The following CDH23 variants were observed in gnomAD, a reference collection of about 807,000 sequenced individuals.
CDH23 encodes the protein cadherin-23.
A neutral mutation model predicts 317.1 loss-of-function variants in CDH23; 189 were observed. The ratio of observed to expected loss-of-function variants is 0.60; its 90% CI spans 0.53 to 0.67. The LOEUF is 0.67. CDH23 is among the 30% of genes least tolerant of loss of function. The pLI is 0.00. For missense variants in CDH23, 4,401 were observed against 4,592.4 expected (o/e 0.96, Z 1.20); for synonymous variants, 1,839 against 1,876.8 (o/e 0.98, Z 0.52).
chr10:71,496,721 T>C (rs1230580146), intron 3 of CDH23, among the ~76,000 whole-genome samples: 2 of 152,246 alleles, frequency 1.3e-5, no homozygotes, highest in African/African-American at 4.8e-5. Context: ...ATCAAGACCC[T>C]GGATATCAAC....
chr10:71,564,343 G>A (rs1410452513), intron 6 of CDH23, among the ~76,000 whole-genome samples: 1 of 152,206 alleles, frequency 6.6e-6, no homozygotes, highest in African/African-American at 2.4e-5. Context: ...CTGAAATGCA[G>A]GAAGTCAGCA....
intron 55 of CDH23, among the ~76,000 whole-genome samples, chr10:71,804,590 CGTT>C (rs1841654924): frequency 6.6e-6 from 1 of 152,184 alleles, no homozygotes; most frequent in Non-Finnish European, 1.5e-5. Context: ...CTCAAAGAAG[CGTT>C]GTGCCTTTAC....
At chr10:71,574,763 C>A (rs938043029) in intron 8 of CDH23, among the ~76,000 whole-genome samples, 6 of 152,154 alleles carry the variant, frequency 3.9e-5, no homozygotes, top group Non-Finnish European at 8.8e-5. Context: ...AGTCCAGCTT[C>A]TCTCAACTGT....
chr10:71,583,374 C>G (rs1258080156), intron 9 of CDH23, among the ~76,000 whole-genome samples: 1 of 151,800 alleles, frequency 6.6e-6, no homozygotes, highest in Non-Finnish European at 1.5e-5. Context: ...CCTGGGGGGT[C>G]TTGGGAGTGG....
chr10:71,452,074 C>T (rs1256809241), intron 3 of CDH23, among the ~76,000 whole-genome samples: 1 of 152,180 alleles, frequency 6.6e-6, no homozygotes, highest in Non-Finnish European at 1.5e-5. Context: ...CGGCAAGGCC[C>T]GCGCTGTGCC....
At chr10:71,648,237 C>T (rs1862990393) in intron 14 of CDH23, among the ~76,000 whole-genome samples, 1 of 152,232 alleles carries the variant, frequency 6.6e-6, no homozygotes, top group South Asian at 2.1e-4. Context: ...CTTGAGGCCC[C>T]CTGGACCTTC....
In CDH23 at chr10:71,784,998, C is replaced by T. The variant is rs568993739; in HGVS notation, c.5610C>T (p.Val1870=). 3.2e-5 allele frequency: 51 copies of T among 1,613,956 alleles called. No individual in the cohort carries two copies. The South Asian group carries it at 4.3e-4, about 14-fold the overall frequency. The change falls in exon 43 of 70, where the codon GTC becomes GTT. Residue 1870 remains valine (V), a synonymous_variant. Transcript: ENST00000224721. ...ISENSPVSSF[V]AHVLASDADS... is the part of the protein sequence containing the mutation. ...AGAACAGCCCTGTCTCCAGCTTTGTCGCCCATGTCCTGGCCAGTGACGCTG... is the reference window on the plus strand; with the variant it reads ...AGAACAGCCCTGTCTCCAGCTTTGTTGCCCATGTCCTGGCCAGTGACGCTG...
intron 1 of CDH23, among the ~76,000 whole-genome samples, chr10:71,419,074 A>T (rs540653935): frequency 1.3e-5 from 2 of 152,328 alleles, no homozygotes; most frequent in South Asian, 4.1e-4. Flanking sequence ...GGGGTTTCAT[A>T]GCATGACTTT....
intron 14 of CDH23, among the ~76,000 whole-genome samples, chr10:71,674,000 C>A (rs1053316013): frequency 6.6e-6 from 1 of 152,138 alleles, no homozygotes; most frequent in Non-Finnish European, 1.5e-5. Context: ...GGACAGAGGT[C>A]TGCACCGTCT....
chr10:71,656,353 G>A (rs1863416634), intron 14 of CDH23, among the ~76,000 whole-genome samples: 1 of 152,144 alleles, frequency 6.6e-6, no homozygotes. Context: ...GGCCCTCTGG[G>A]AGCCCCTGTG....
chr10:71,662,810 G>A (rs564982848), intron 14 of CDH23, among the ~76,000 whole-genome samples: 2 of 152,180 alleles, frequency 1.3e-5, no homozygotes, highest in Non-Finnish European at 2.9e-5. Context: ...CACCAGCTGG[G>A]CGGCTTAAAA....
rs115801157 is a variant in CDH23 at position 71,696,417 on chromosome 10, G to A, written c.2397+892G>A. Among the ~76,000 whole-genome samples the A allele has an allele frequency of 7.2e-3, 1,100 of 152,286 alleles. 15 individuals carry two copies. Among genetic ancestry groups the A allele is most frequent in the African/African-American group, 0.025 (1,052 of 41,538 alleles). On this transcript the variant is annotated intron_variant, in intron 22 of 69. Transcript: ENST00000224721. ...CTCACTGTAATCTCACAAGGCAGAG[G>A]GATTCCGTTGCCACTGCACTGTGGA...
chr10:71,760,181 G>T lies in CDH23; in HGVS notation c.4846-17499G>T, dbSNP rs978207972. On this transcript the variant is annotated intron_variant, in intron 38 of 69. Coordinates refer to ENST00000224721, the MANE Select transcript of CDH23 (RefSeq NM_022124.6). ...TATATGTATATACATATATATGTGTGTATATATATGTATATACATATATAT... is the reference window on the plus strand; with the variant it reads ...TATATGTATATACATATATATGTGTTTATATATATGTATATACATATATAT... 8.1e-5 allele frequency among the ~76,000 whole-genome samples: 3 copies of T among 37,258 alleles called. 1 individual carries two copies. Among genetic ancestry groups the T allele is most frequent in the East Asian group, 9.4e-4 (2 of 2,122 alleles). The allele number at this position is 37,258 out of a possible 152,430, so 24.4% of individuals were successfully genotyped here.
intron 9 of CDH23, among the ~76,000 whole-genome samples, chr10:71,611,892 C>T (rs906956796): frequency 1.3e-5 from 2 of 152,116 alleles, no homozygotes; most frequent in East Asian, 1.9e-4. Flanking sequence ...CAACACCTTG[C>T]GCATAGTAGG....
chr10:71,661,725 G>GTC (rs1863661055), intron 14 of CDH23, among the ~76,000 whole-genome samples: 4 of 89,412 alleles, frequency 4.5e-5, no homozygotes, highest in Admixed American at 1.2e-4. Flanking sequence ...CACCCTGCGC[G>GTC]CCCTCCCACC....
chr10:71,716,688 G>T, intron 28 of CDH23: 1 of 222,820 alleles, frequency 4.5e-6, no homozygotes, highest in Non-Finnish European at 8.7e-6. Context: ...GACCAACTCT[G>T]TCAATAACTT....
chr10:71,697,521 T>A (rs1204663017), intron 22 of CDH23, among the ~76,000 whole-genome samples: 1 of 152,054 alleles, frequency 6.6e-6, no homozygotes, highest in Non-Finnish European at 1.5e-5. Flanking sequence ...AAATTTTTTT[T>A]AAGTAGCCAG....
chr10:71,553,199 G>A (rs933031602), intron 6 of CDH23, among the ~76,000 whole-genome samples: 3 of 152,078 alleles, frequency 2.0e-5, no homozygotes, highest in South Asian at 2.1e-4. Flanking sequence ...AGGATCATTC[G>A]GTCCTTCTTC....
chr10:71,429,782 T>G (rs1849282651), intron 1 of CDH23, among the ~76,000 whole-genome samples: 1 of 152,136 alleles, frequency 6.6e-6, no homozygotes, highest in Admixed American at 6.5e-5. Context: ...GCCAGACCTG[T>G]TAAATTTTAG....
Sources: allele counts gnomAD v4.1 joint callset (sites outside exome capture counted in the v4.1 genomes callset), GRCh38; gene constraint gnomAD v4.1.1; transcripts MANE v1.5; gene names NCBI Gene and HGNC (gene_info 2026-07-23, HGNC 2026-07-21).